The following EXD2 variants were observed in gnomAD, a reference collection of about 807,000 sequenced individuals.
EXD2 encodes exonuclease 3'-5' domain-containing protein 2.
In EXD2, 40 loss-of-function variants were observed where a neutral mutation model predicts 62.5. That is an observed-to-expected ratio of 0.64 (90% CI 0.50 to 0.83). The LOEUF is 0.83. Ranked by LOEUF, EXD2 falls within the 40% of genes least tolerant of loss-of-function variation. The pLI is 0.00. For missense variants in EXD2, 671 were observed against 761.8 expected, an observed-to-expected ratio of 0.88 and a Z score of 1.40; for synonymous variants, 239 against 291.9, an observed-to-expected ratio of 0.82 and a Z score of 1.85.
chr14:69,218,654 A>G (rs2043065733), intron 3 of EXD2, among the ~76,000 whole-genome samples: 1 of 152,168 alleles, frequency 6.6e-6, no homozygotes, highest in Non-Finnish European at 1.5e-5. Flanking sequence ...CTAACATTTA[A>G]GTCTTTAATC....
chr14:69,218,973 A>T (rs966252864), intron 3 of EXD2, among the ~76,000 whole-genome samples: 2 of 152,032 alleles, frequency 1.3e-5, no homozygotes, highest in Non-Finnish European at 2.9e-5. Context: ...TTGGCTTAGG[A>T]TTGTCTTGGC....
intron 3 of EXD2, among the ~76,000 whole-genome samples, chr14:69,221,218 TA>T (rs1478310561): frequency 1.3e-5 from 2 of 152,210 alleles, no homozygotes; most frequent in Non-Finnish European, 2.9e-5. Flanking sequence ...TACAACAGGT[TA>T]GGGGTGTTTC....
In EXD2 at chr14:69,244,009, A is replaced by G. The variant is rs545680327; in HGVS notation, c.*2909A>G. ...AAAAAGGTAAAAAAATAAAATTTTA[A>G]ATTTTAAAATATAGGCTGTAGGCAG... On this transcript the variant is annotated 3_prime_UTR_variant, in exon 10 of 10. Coordinates refer to ENST00000685843, the MANE Select transcript of EXD2 (RefSeq NM_001193360.2). 1 of 152,356 alleles carries G rather than the reference A, an allele frequency of 6.6e-6. No homozygotes were observed. The highest frequency in any genetic ancestry group is 2.1e-4 in the South Asian group (1 of 4,832). The allele number at this position is 152,356 out of a possible 1,614,324, so 9.4% of individuals were successfully genotyped here. A position where few individuals can be genotyped will look rare whatever the true frequency, so the allele number is the denominator to read the frequency against.
rs1208519963 is a variant in EXD2 at position 69,209,516 on chromosome 14, G to T, written c.46G>T (p.Gly16Cys). 6.5e-7 allele frequency: 1 copy of T among 1,549,918 alleles called. No individual in the cohort carries two copies. Among genetic ancestry groups the T allele is most frequent in the Non-Finnish European group, 8.7e-7 (1 of 1,146,658 alleles). ...GGCTTTGACAGTGACTACCCTTCTG[G>T]GTGTGGCTGTAGGGGGGTTTGTCCT... is the stretch of plus-strand genomic sequence containing the variant. ...LVALTVTTLLGVAVGGFVLWK... is the reference protein window; with the variant it reads ...LVALTVTTLLCVAVGGFVLWK... Residue 16 changes from glycine (G) to cysteine (C), a missense_variant, in exon 3 of 10, where the codon GGT becomes TGT. Transcript: ENST00000685843.
In EXD2 at chr14:69,236,442, C is replaced by T. The variant is rs2043790546; in HGVS notation, c.1192C>T (p.Arg398Trp). The change falls in exon 8 of 10, where the codon CGG becomes TGG. Residue 398 changes from arginine (R) to tryptophan (W), a missense_variant. Physicochemically the swap from Arg to Trp is moderately radical, Grantham distance 101 (BLOSUM62 -3). Coordinates refer to ENST00000685843, the MANE Select transcript of EXD2 (RefSeq NM_001193360.2). ...VSEEPFVVKLRFEPAGRPESP... is the reference protein window; with the variant it reads ...VSEEPFVVKLWFEPAGRPESP... ...TGAAGAGCCCTTTGTGGTGAAGCTA[C>T]GGTTTGAACCTGCAGGAAGGCCCGA... 6.8e-6 allele frequency: 11 copies of T among 1,613,930 alleles called. No individual in the cohort carries two copies. Among genetic ancestry groups the T allele is most frequent in the African/African-American group, 2.7e-5 (2 of 74,886 alleles).
At chr14:69,230,740 C>A in intron 5 of EXD2, 142 bp downstream of exon 5, 1 of 896,366 alleles carries the variant, frequency 1.1e-6, no homozygotes, top group Non-Finnish European at 1.6e-6. Context: ...GATACTCCAG[C>A]TAACTGGTCT....
At chr14:69,235,534 C>G (rs1234298094) in intron 6 of EXD2, 1 of 190,256 alleles carries the variant, frequency 5.3e-6, no homozygotes, top group Non-Finnish European at 1.1e-5. Flanking sequence ...ACTTATTCCT[C>G]TATTGTAGGA....
Position 69,243,730 on chromosome 14 carries a change from T to C in EXD2, c.*2630T>C, listed in dbSNP as rs2044038901. 6.6e-6 allele frequency: 1 copy of C among 152,188 alleles called. No homozygotes were observed. The highest frequency in any genetic ancestry group is 1.5e-5 in the Non-Finnish European group (1 of 68,036). 9.4% of individuals were successfully genotyped at this position (152,188 alleles called of 1,614,324 possible). A position where few individuals can be genotyped will look rare whatever the true frequency, so the allele number is the denominator to read the frequency against. On this transcript the variant is annotated 3_prime_UTR_variant, in exon 10 of 10. Transcript: ENST00000685843. ...TGCTGGGGCTAAGTACAAATTGACA[T>C]CACCTTTTAGGAATGAAATGCTTCT...
intron 9 of EXD2, among the ~76,000 whole-genome samples, chr14:69,240,580 A>G (rs2043947259): frequency 6.6e-6 from 1 of 152,156 alleles, no homozygotes; most frequent in South Asian, 2.1e-4. Flanking sequence ...GAAGACCAGC[A>G]TTCTTCATCC....
In EXD2 at chr14:69,236,519, T is replaced by C; in HGVS notation, c.1269T>C (p.Cys423=). The change falls in exon 8 of 10, where the codon TGT becomes TGC. Residue 423 remains cysteine (C), a synonymous_variant. Coordinates refer to ENST00000685843, the MANE Select transcript of EXD2 (RefSeq NM_001193360.2). The part of the protein sequence containing the change: ...LMVKENLCVV[C]GKRDSYIRKN... Reference sequence around the variant, plus strand: ...TTAAAGAGAACCTGTGTGTAGTGTGTGGCAAGAGAGACTCCTACATTCGGT... The same window carrying C: ...TTAAAGAGAACCTGTGTGTAGTGTGCGGCAAGAGAGACTCCTACATTCGGT... 6.2e-7 allele frequency: 1 copy of C among 1,614,170 alleles called. No homozygotes were observed. The highest frequency in any genetic ancestry group is 8.5e-7 in the Non-Finnish European group (1 of 1,180,016).
At chr14:69,213,831 T>C (rs542846760) in intron 3 of EXD2, 8 of 152,096 alleles carry the variant, frequency 5.3e-5, no homozygotes, top group African/African-American at 1.4e-4. Context: ...GCCCGTCTAA[T>C]TTTTTCTATT....
chr14:69,221,196 A>G (rs1352168446), intron 3 of EXD2, among the ~76,000 whole-genome samples: 1 of 152,176 alleles, frequency 6.6e-6, no homozygotes, highest in Non-Finnish European at 1.5e-5. Context: ...TAAAAAAGTT[A>G]TGCTAGCTTC....
chr14:69,236,209 G>A, intron 7 of EXD2, 57 bp downstream of exon 7: 1 of 1,534,716 alleles, frequency 6.5e-7, no homozygotes, highest in Admixed American at 1.7e-5. Flanking sequence ...ATGCTGGCAG[G>A]AGTGGGGAGT....
chr14:69,231,298 TATC>T (rs2043569398), intron 5 of EXD2, among the ~76,000 whole-genome samples: 4 of 152,168 alleles, frequency 2.6e-5, no homozygotes, highest in Admixed American at 2.6e-4. Flanking sequence ...TTCTGGTAAT[TATC>T]ATTATACTTC....
At chr14:69,198,282 T>C (rs749135218) in intron 1 of EXD2, among the ~76,000 whole-genome samples, 13 of 152,246 alleles carry the variant, frequency 8.5e-5, no homozygotes, top group Non-Finnish European at 1.6e-4. Flanking sequence ...TTGTTGTTTT[T>C]CCAGGTGGTT....
chr14:69,201,789 T>C (rs963292545), intron 1 of EXD2, among the ~76,000 whole-genome samples: 1 of 149,866 alleles, frequency 6.7e-6, no homozygotes, highest in Non-Finnish European at 1.5e-5. Context: ...TTCAAGCGAT[T>C]CTTCTGCCTC....
chr14:69,205,034 A>G (rs939243754), intron 2 of EXD2, among the ~76,000 whole-genome samples: 1 of 152,208 alleles, frequency 6.6e-6, no homozygotes, highest in Non-Finnish European at 1.5e-5. Context: ...GTTACAAATA[A>G]GTAACTGCTA....
intron 3 of EXD2, among the ~76,000 whole-genome samples, chr14:69,222,708 T>G (rs185992835): frequency 1.5e-3 from 233 of 152,250 alleles, no homozygotes; most frequent in Admixed American, 2.5e-3. Context: ...TTTGCTTTTT[T>G]TTAATACATA....
chr14:69,192,536 A>C (rs1464376820), intron 1 of EXD2, among the ~76,000 whole-genome samples: 1 of 152,058 alleles, frequency 6.6e-6, no homozygotes, highest in African/African-American at 2.4e-5. Flanking sequence ...CTTGGTGGTG[A>C]GGGTGGGGAG....
Sources: gnomAD v4.1 joint callset for allele counts (sites outside exome capture counted in the v4.1 genomes callset) on GRCh38, gnomAD v4.1.1 for gene constraint, MANE v1.5 for transcripts, NCBI Gene and HGNC (gene_info 2026-07-23, HGNC 2026-07-21) for gene names.